NBPF11: variants seen among roughly 807,000 people sequenced by gnomAD.
The protein encoded by NBPF11 is NBPF family member NBPF11.
A neutral mutation model predicts 93.9 loss-of-function variants in NBPF11; 72 were observed. That is an observed-to-expected ratio of 0.77 (90% confidence interval 0.63 to 0.93). The LOEUF (loss-of-function observed/expected upper bound fraction) is 0.93. Ranked by LOEUF, NBPF11 falls within the 40% of genes least tolerant of loss-of-function variation. The pLI is 0.00. For synonymous variants in NBPF11, 224 were observed against 304.9 expected, an observed-to-expected ratio of 0.73 and a Z score of 2.76; for missense variants, 705 against 802.2, an observed-to-expected ratio of 0.88 and a Z score of 1.46.
intron 5 of NBPF11, among the ~76,000 whole-genome samples, chr1:148,126,533 A>G (rs1208186237): frequency 6.6e-6 from 1 of 152,010 alleles, no homozygotes; most frequent in Non-Finnish European, 1.5e-5. Flanking sequence ...AGGATCTTAT[A>G]TGGTACAGAG....
intron 9 of NBPF11, 128 bp from the exon 10 acceptor site, chr1:148,120,838 C>G (rs1393761481): frequency 1.3e-6 from 1 of 772,938 alleles, no homozygotes; most frequent in East Asian, 2.5e-5. Flanking sequence ...CCTGGTTTCA[C>G]TCTTGTCATC....
intron 9 of NBPF11, 150 bp downstream of exon 9, chr1:148,121,905 G>C: frequency 2.7e-6 from 2 of 731,644 alleles, no homozygotes; most frequent in Non-Finnish European, 5.0e-6. Context: ...GCCTTCCAAA[G>C]TGCTGTGATT....
At chr1:148,124,119 G>A (rs1377065434) in intron 6 of NBPF11, 52 bp from the exon 7 acceptor site, 33 of 1,603,924 alleles carry the variant, frequency 2.1e-5, no homozygotes, top group South Asian at 8.8e-5. Context: ...TGAGTGATCC[G>A]TTCAAATATT....
chr1:148,150,967 TC>T (rs1571505282), intron 1 of NBPF11, among the ~76,000 whole-genome samples: 2 of 151,744 alleles, frequency 1.3e-5, no homozygotes, highest in Admixed American at 1.3e-4. Context: ...GACCTCATGA[TC>T]CGCCCGCGTC....
intron 2 of NBPF11, among the ~76,000 whole-genome samples, chr1:148,140,120 A>T (rs1164791802): frequency 1.3e-5 from 2 of 152,034 alleles, no homozygotes; most frequent in Non-Finnish European, 2.9e-5. Context: ...GGAGCCCAGA[A>T]GCAGGCCTAC....
At chr1:148,146,541 G>A (rs1673115377) in intron 1 of NBPF11, 4 of 1,604,012 alleles carry the variant, frequency 2.5e-6, no homozygotes, top group Non-Finnish European at 3.4e-6. Flanking sequence ...GTGGGGCCGG[G>A]GCCGCCCCCT....
chr1:148,103,996 G>A lies in NBPF11; in HGVS notation c.2582-84C>T. ...CACTAGATTTCAGAAGTAACATAAG[G>A]AAGTGGTTGGAAAAGAAAAAGGACA... On this transcript the variant is annotated intron_variant, in intron 23 of 23. Coordinates refer to ENST00000682118, the MANE Select transcript of NBPF11 (RefSeq NM_001385469.3). The A allele has an allele frequency of 3.1e-6, 5 of 1,608,744 alleles. 1 individual carries two copies. The highest frequency in any genetic ancestry group is 4.2e-6 in the Non-Finnish European group (5 of 1,177,398).
intron 12 of NBPF11, among the ~76,000 whole-genome samples, chr1:148,117,107 G>T: frequency 6.6e-6 from 1 of 151,928 alleles, no homozygotes; most frequent in South Asian, 2.1e-4. Context: ...GAAAGCAGTT[G>T]TAAGTGTTCC....
chr1:148,113,453 C>A (rs1206846438), intron 15 of NBPF11, among the ~76,000 whole-genome samples: 1 of 146,400 alleles, frequency 6.8e-6, no homozygotes, highest in Admixed American at 6.8e-5. Flanking sequence ...TATACAGGAG[C>A]ACCCAGATTC....
chr1:148,138,207 TC>T (rs1671646160), intron 2 of NBPF11, among the ~76,000 whole-genome samples: 1 of 151,020 alleles, frequency 6.6e-6, no homozygotes, highest in African/African-American at 2.5e-5. Flanking sequence ...TGCCAGCATG[TC>T]CCACCTCCAG....
At chr1:148,108,289 G>C (rs1418410626) in intron 18 of NBPF11, among the ~76,000 whole-genome samples, 193 bp downstream of exon 18, 2 of 151,836 alleles carry the variant, frequency 1.3e-5, no homozygotes, top group African/African-American at 2.4e-5. Context: ...ACTAGGAAGA[G>C]AGCCTTGCTC....
intron 1 of NBPF11, among the ~76,000 whole-genome samples, chr1:148,148,068 G>C (rs1319620921): frequency 2.0e-5 from 3 of 152,170 alleles, no homozygotes; most frequent in African/African-American, 7.2e-5. Flanking sequence ...CAGGTGGCAG[G>C]GCTGGGCTGG....
At chr1:148,115,319 C>G (rs1339287018) in intron 14 of NBPF11, among the ~76,000 whole-genome samples, 1 of 150,782 alleles carries the variant, frequency 6.6e-6, no homozygotes, top group Non-Finnish European at 1.5e-5. Flanking sequence ...AAGTTTCCAT[C>G]CTGATTTCAG....
At chr1:148,127,923 G>A (rs1376867797) in intron 4 of NBPF11, among the ~76,000 whole-genome samples, 2 of 151,758 alleles carry the variant, frequency 1.3e-5, no homozygotes, top group Admixed American at 6.6e-5. Flanking sequence ...CCAAAGTGCT[G>A]GGATTACAGG....
At chr1:148,145,054 G>C (rs1420899986) in intron 1 of NBPF11, among the ~76,000 whole-genome samples, 1 of 148,386 alleles carries the variant, frequency 6.7e-6, no homozygotes, top group Non-Finnish European at 1.5e-5. Context: ...AGTGAGCTGA[G>C]ATTATGCCAA....
chr1:148,103,710 G>C lies in NBPF11; in HGVS notation c.*186C>G. On this transcript the variant is annotated 3_prime_UTR_variant, in exon 24 of 24. Transcript: ENST00000682118. The stretch of plus-strand genomic sequence containing the variant: ...ACTCCCATCTGGAAGACCAGGTGGA[G>C]ACTTCTCACCGTCAAAGTAAAAAAC... 2 of 1,611,364 alleles carry C rather than the reference G, an allele frequency of 1.2e-6. No homozygotes were observed. The highest frequency in any genetic ancestry group is 8.5e-7 in the Non-Finnish European group (1 of 1,179,334).
intron 2 of NBPF11, among the ~76,000 whole-genome samples, chr1:148,138,788 CTCTT>C (rs1571488445): frequency 6.6e-6 from 1 of 151,886 alleles, no homozygotes; most frequent in East Asian, 1.9e-4. Flanking sequence ...AATCTGATCT[CTCTT>C]TCTTTTCCCC....
rs2149243780 is a variant in NBPF11, at chr1:148,124,092, T to A, written c.279-25A>T. On this transcript the variant is annotated intron_variant, in intron 6 of 23. Transcript: ENST00000682118. ...CCTAAGGTGAGACGGTAGAGAAAAT[T>A]TAACAGTGAAAAGCATTGAGTGATC... 1.2e-6 allele frequency: 2 copies of A among 1,609,608 alleles called. 1 individual carries two copies. Among genetic ancestry groups the A allele is most frequent in the South Asian group, 2.2e-5 (2 of 90,906 alleles).
At chr1:148,104,261 G>T (rs1662996202) in intron 23 of NBPF11, among the ~76,000 whole-genome samples, 1 of 145,262 alleles carries the variant, frequency 6.9e-6, no homozygotes, top group African/African-American at 2.7e-5. Context: ...AAAAGAGTGA[G>T]CTCAATAGTT....
Sources: allele counts gnomAD v4.1 joint callset (sites outside exome capture counted in the v4.1 genomes callset), GRCh38; gene constraint gnomAD v4.1.1; transcripts MANE v1.5; gene names NCBI Gene and HGNC (gene_info 2026-07-23, HGNC 2026-07-21).